The following FAM78A variants were observed in gnomAD, a reference collection of about 807,000 sequenced individuals.
The protein encoded by FAM78A is protein FAM78A.
A neutral mutation model predicts 22.6 loss-of-function variants in FAM78A; 12 were observed. The observed-to-expected ratio is 0.53, with a 90% confidence interval of 0.34 to 0.86. The LOEUF is 0.86. Ranked by LOEUF, FAM78A falls within the 40% of genes least tolerant of loss-of-function variation. The pLI is 0.02. For missense variants in FAM78A, 322 were observed against 396.1 expected, an observed-to-expected ratio of 0.81 and a Z score of 1.59; for synonymous variants, 151 against 155.8, an observed-to-expected ratio of 0.97 and a Z score of 0.23.
upstream of FAM78A, among the ~76,000 whole-genome samples, chr9:131,278,172 C>T (rs1298761871): frequency 6.6e-6 from 1 of 151,908 alleles, no homozygotes; most frequent in East Asian, 1.9e-4. Flanking sequence ...CCTGTCTCTG[C>T]AGCTGCTCGG....
chr9:131,262,137 C>T (rs1278806121), intron 1 of FAM78A, among the ~76,000 whole-genome samples: 1 of 151,420 alleles, frequency 6.6e-6, no homozygotes, highest in Non-Finnish European at 1.5e-5. Flanking sequence ...AACACCCTGG[C>T]CAATATGGTG....
At position 131,275,852 on chromosome 9, in the gene FAM78A, C is replaced by A; in HGVS notation, c.323+5G>T. ...TTCCCAGAGCTGGCTCTCGGCCGTA[C>A]TCACATGCCCTGCTCGCCGTACTGG... On this transcript the variant is annotated splice_donor_5th_base_variant and intron_variant, in intron 1 of 1. Coordinates refer to ENST00000372271, the MANE Select transcript of FAM78A (RefSeq NM_033387.4). This position sits in a 1 kb window ranked among gnomAD's most constrained non-coding sequence, Gnocchi z 4.6. 6.4e-7 allele frequency: 1 copy of A among 1,573,650 alleles called. No homozygotes were observed. Among genetic ancestry groups the A allele is most frequent in the Non-Finnish European group, 8.6e-7 (1 of 1,157,252 alleles).
Position 131,264,725 on chromosome 9 carries a change from CCT to C in FAM78A, c.324-3377_324-3376del, listed in dbSNP as rs367956689. ...TAATTTGACCTGAAGCCTTTTCTGA[CCT>C]TTTTTTTTTTTTTTGAGACAGAGTC... On this transcript the variant is annotated intron_variant, in intron 1 of 1. Coordinates refer to ENST00000372271, the MANE Select transcript of FAM78A (RefSeq NM_033387.4). The C allele has an allele frequency of 7.6e-3, 3,183 of 419,970 alleles. 7 individuals carry two copies. Among genetic ancestry groups the C allele is most frequent in the East Asian group, 0.021 (369 of 17,698 alleles). 26.0% of individuals were successfully genotyped at this position (419,970 alleles called of 1,614,324 possible). A position where few individuals can be genotyped will look rare whatever the true frequency, so the allele number is the denominator to read the frequency against.
chr9:131,275,811 C>G lies in FAM78A; in HGVS notation c.323+46G>C, dbSNP rs774533947. On this transcript the variant is annotated intron_variant, in intron 1 of 1. Transcript: ENST00000372271. The surrounding 1 kb of genome is among the most constrained non-coding windows in gnomAD (Gnocchi z 4.6). ...CGGCCCCCCACCAGGCCTCCAAGCT[C>G]GGCCATCCCTAGCAGTTCCCAGAGC... The G allele has an allele frequency of 2.6e-6, 4 of 1,525,714 alleles. No individual in the cohort carries two copies. In the South Asian group the frequency reaches 3.9e-5, roughly 15 times the overall value. The allele number at this position is 1,525,714 out of a possible 1,614,324, so 94.5% of individuals were successfully genotyped here. A position where few individuals can be genotyped will look rare whatever the true frequency, so the allele number is the denominator to read the frequency against.
At position 131,260,617 on chromosome 9, in the gene FAM78A, T is replaced by G. The variant is rs1026040180; in HGVS notation, c.*205A>C. The G allele has an allele frequency of 2.0e-5, 10 of 506,838 alleles. No homozygotes were observed. Among genetic ancestry groups the G allele is most frequent in the Non-Finnish European group, 3.0e-5 (9 of 299,606 alleles). 31.4% of individuals were successfully genotyped at this position (506,838 alleles called of 1,614,324 possible). A position where few individuals can be genotyped will look rare whatever the true frequency, so the allele number is the denominator to read the frequency against. On this transcript the variant is annotated 3_prime_UTR_variant, in exon 2 of 2. Transcript: ENST00000372271. The surrounding 1 kb of genome is among the most constrained non-coding windows in gnomAD (Gnocchi z 5.4). ...CCTGAGGGCGCACGTGGGGTCTGTC[T>G]GTCCTGCTTAGATCTCCCCTCTCCC...
chr9:131,269,026 G>C (rs982416808), intron 1 of FAM78A, among the ~76,000 whole-genome samples: 3 of 150,298 alleles, frequency 2.0e-5, no homozygotes, highest in Non-Finnish European at 4.4e-5. Flanking sequence ...GTGAAACCCC[G>C]AGAGGCAGAG....
In FAM78A at chr9:131,276,062, C is replaced by T. The variant is rs562235569; in HGVS notation, c.118G>A (p.Val40Met). 1.7e-5 allele frequency: 27 copies of T among 1,613,870 alleles called. No individual in the cohort carries two copies. The highest frequency in any genetic ancestry group is 3.3e-5 in the Admixed American group (2 of 60,024). Residue 40 changes from valine (V) to methionine (M), a missense_variant, in exon 1 of 2, where the codon GTG becomes ATG. Transcript: ENST00000372271. This position sits in a 1 kb window ranked among gnomAD's most constrained non-coding sequence, Gnocchi z 4.3. ...KARVFREGIT[V>M]IDVKASIDPV... is the part of the protein sequence containing the mutation. ...TCGATGGAGGCTTTCACATCAATCA[C>T]CGTGATCCCTTCCCGGAAGACTCTG...
In FAM78A at chr9:131,261,391, AGGAGGGCTTTCTGTGTCCCCCT is replaced by A. The variant is rs775122593; in HGVS notation, c.324-63_324-42del. 2 of 1,506,352 alleles carry A rather than the reference AGGAGGGCTTTCTGTGTCCCCCT, an allele frequency of 1.3e-6. No homozygotes were observed. The highest frequency in any genetic ancestry group is 1.8e-6 in the Non-Finnish European group (2 of 1,135,238). 93.3% of individuals were successfully genotyped at this position (1,506,352 alleles called of 1,614,324 possible). A position where few individuals can be genotyped will look rare whatever the true frequency, so the allele number is the denominator to read the frequency against. On this transcript the variant is annotated intron_variant, in intron 1 of 1. Coordinates refer to ENST00000372271, the MANE Select transcript of FAM78A (RefSeq NM_033387.4). This position sits in a 1 kb window ranked among gnomAD's most constrained non-coding sequence, Gnocchi z 7.1. ...GCCAGTTCACTCACTCGGTCACTCAAGGAGGGCTTTCTGTGTCCCCCTGGCAGGCCAGGGGCTGTCCTGGGCC... is the reference window on the plus strand; with the variant it reads ...GCCAGTTCACTCACTCGGTCACTCAAGGCAGGCCAGGGGCTGTCCTGGGCC...
chr9:131,280,583 C>T (rs559023595), upstream of FAM78A, among the ~76,000 whole-genome samples: 5 of 152,240 alleles, frequency 3.3e-5, no homozygotes, highest in Admixed American at 2.6e-4. Context: ...ATCCCCCACC[C>T]GGGATGGTGA....
chr9:131,271,215 G>A (rs1009129263), intron 1 of FAM78A, among the ~76,000 whole-genome samples: 8 of 152,028 alleles, frequency 5.3e-5, no homozygotes, highest in African/African-American at 1.2e-4. Context: ...TCACTGTGTA[G>A]TCCAGGCTGA....
In FAM78A at chr9:131,259,009, T is replaced by C. The variant is rs1335280059; in HGVS notation, c.*1813A>G. ...TTAAGCACCCCTTGAATAAACGCAA[T>C]AGCCCGTGGACAAAGGAGCAGGGCA... On this transcript the variant is annotated 3_prime_UTR_variant, in exon 2 of 2. Transcript: ENST00000372271. 1 of 152,628 alleles carries C rather than the reference T, an allele frequency of 6.6e-6. No homozygotes were observed. Among genetic ancestry groups the C allele is most frequent in the Non-Finnish European group, 1.5e-5 (1 of 68,058 alleles). The allele number at this position is 152,628 out of a possible 1,614,324, so 9.5% of individuals were successfully genotyped here.
At chr9:131,262,924 C>T (rs996609238) in intron 1 of FAM78A, among the ~76,000 whole-genome samples, 4 of 151,870 alleles carry the variant, frequency 2.6e-5, no homozygotes, top group African/African-American at 7.3e-5. Context: ...TTCTTGGGGA[C>T]GAAGTTTCAG....
rs1266213030 is a variant in FAM78A, at chr9:131,258,999, A to G, written c.*1823T>C. ...TAAACGGTCATTAAGCACCCCTTGA[A>G]TAAACGCAATAGCCCGTGGACAAAG... On this transcript the variant is annotated 3_prime_UTR_variant, in exon 2 of 2. Transcript: ENST00000372271. The G allele has an allele frequency of 6.6e-6, 1 of 152,662 alleles. No individual in the cohort carries two copies. Among genetic ancestry groups the G allele is most frequent in the East Asian group, 1.9e-4 (1 of 5,200 alleles). The allele number at this position is 152,662 out of a possible 1,614,324, so 9.5% of individuals were successfully genotyped here.
rs1473654364 is a variant in FAM78A at position 131,260,233 on chromosome 9, G to A, written c.*589C>T. ...CGACCCCAACCCTCCCTCCACCTCTGGCAGAAGAGGAAAAGTCCGGTAGAA... is the reference window on the plus strand; with the variant it reads ...CGACCCCAACCCTCCCTCCACCTCTAGCAGAAGAGGAAAAGTCCGGTAGAA... On this transcript the variant is annotated 3_prime_UTR_variant, in exon 2 of 2. Transcript: ENST00000372271. The surrounding 1 kb of genome is among the most constrained non-coding windows in gnomAD (Gnocchi z 5.4). The A allele has an allele frequency of 1.3e-5, 2 of 152,644 alleles. No individual in the cohort carries two copies. Among genetic ancestry groups the A allele is most frequent in the African/African-American group, 4.8e-5 (2 of 41,454 alleles). 9.5% of individuals were successfully genotyped at this position (152,644 alleles called of 1,614,324 possible).
At chr9:131,280,504 C>T (rs964165045), upstream of FAM78A, among the ~76,000 whole-genome samples, 4 of 152,216 alleles carry the variant, frequency 2.6e-5, no homozygotes, top group Non-Finnish European at 5.9e-5. Context: ...ACCCTTTCCC[C>T]TCCCCCAGGC....
intron 1 of FAM78A, among the ~76,000 whole-genome samples, chr9:131,267,444 AT>A (rs1183403566): frequency 6.6e-6 from 1 of 152,134 alleles, no homozygotes; most frequent in Middle Eastern, 3.2e-3. Flanking sequence ...AGGTGGGAGG[AT>A]TGCTTGAGCA....
chr9:131,268,065 A>AG (rs2131176440), intron 1 of FAM78A, among the ~76,000 whole-genome samples: 1 of 147,870 alleles, frequency 6.8e-6, no homozygotes, highest in East Asian at 2.0e-4. Flanking sequence ...AAAAAAAAAA[A>AG]AAAAAGACTT....
chr9:131,264,670 A>C (rs1239689127), intron 1 of FAM78A: 1 of 714,590 alleles, frequency 1.4e-6, no homozygotes, highest in Non-Finnish European at 2.6e-6. Flanking sequence ...CCTCTCCCAG[A>C]CCAGGTAGCC....
Position 131,260,706 on chromosome 9 carries a change from G to A in FAM78A, c.*116C>T, listed in dbSNP as rs1282863732. ...CGGGGGCATCAGCACAGTGAGATCC[G>A]CCCGCTGGAGAGGGTAGAATGGTTG... is the stretch of plus-strand genomic sequence containing the variant. On this transcript the variant is annotated 3_prime_UTR_variant, in exon 2 of 2. Transcript: ENST00000372271. The surrounding 1 kb of genome is among the most constrained non-coding windows in gnomAD (Gnocchi z 5.4). 5 of 1,332,636 alleles carry A rather than the reference G, an allele frequency of 3.8e-6. No individual in the cohort carries two copies. Among genetic ancestry groups the A allele is most frequent in the Non-Finnish European group, 5.0e-6 (5 of 997,166 alleles). 82.6% of individuals were successfully genotyped at this position (1,332,636 alleles called of 1,614,324 possible). A position where few individuals can be genotyped will look rare whatever the true frequency, so the allele number is the denominator to read the frequency against.
Sources: gnomAD v4.1 joint callset for allele counts (sites outside exome capture counted in the v4.1 genomes callset) on GRCh38, gnomAD v4.1.1 for gene constraint, Gnocchi (gnomAD v3.1) non-coding constraint, MANE v1.5 for transcripts, NCBI Gene and HGNC (gene_info 2026-07-23, HGNC 2026-07-21) for gene names.